ARHGEF33: variants seen among roughly 807,000 people sequenced by gnomAD.
ARHGEF33 encodes Rho guanine nucleotide exchange factor 33.
Under a neutral mutation model 101.9 loss-of-function variants are expected in ARHGEF33, and 72 were observed. The observed-to-expected ratio is 0.71, with a 90% confidence interval of 0.58 to 0.86. The LOEUF (loss-of-function observed/expected upper bound fraction) is 0.86, where lower values mean the gene tolerates loss of function less well. Ranked by LOEUF, ARHGEF33 falls within the 40% of genes least tolerant of loss-of-function variation. The pLI is 0.00. For synonymous variants in ARHGEF33, 499 were observed against 442.5 expected (o/e 1.13, Z -1.60); for missense variants, 1,169 against 1,111.3 (o/e 1.05, Z -0.74).
chr2:38,954,490 T>G (rs1401833951), intron 13 of ARHGEF33, 34 bp downstream of exon 13: 2 of 1,294,490 alleles, frequency 1.5e-6, no homozygotes, highest in Non-Finnish European at 2.2e-6. Context: ...CAAACTGATT[T>G]GCATGCTAAG....
chr2:38,913,002 G>A (rs1205929417), intron 2 of ARHGEF33, among the ~76,000 whole-genome samples: 1 of 151,504 alleles, frequency 6.6e-6, no homozygotes, highest in Non-Finnish European at 1.5e-5. Context: ...TCCTTATATA[G>A]CATATGGGAA....
chr2:38,936,969 T>G (rs547133847), intron 8 of ARHGEF33: 1 of 138,060 alleles, frequency 7.2e-6, no homozygotes, highest in Admixed American at 7.4e-5. Flanking sequence ...AAAGCGAAAC[T>G]CCGTCTCAAA....
chr2:38,902,646 C>T (rs780647047), intron 2 of ARHGEF33, among the ~76,000 whole-genome samples: 1 of 152,064 alleles, frequency 6.6e-6, no homozygotes, highest in African/African-American at 2.4e-5. Flanking sequence ...TTGGTCCTTC[C>T]GAACTATGAG....
rs545902404 is a variant in ARHGEF33, at chr2:38,959,756, C to T, written c.1536-85C>T. ...TGGCATGCACAGGCGCCTCGGAGCG[C>T]GGCCCCGAGGGGCGCCGGCAGGCGA... is the stretch of plus-strand genomic sequence containing the variant. On this transcript the variant is annotated intron_variant, in intron 15 of 17. Coordinates refer to ENST00000409978, the MANE Select transcript of ARHGEF33 (RefSeq NM_001145451.5). 5.8e-6 allele frequency: 8 copies of T among 1,382,382 alleles called. No homozygotes were observed. In the East Asian group the frequency reaches 1.5e-4, roughly 26 times the overall value. The allele number at this position is 1,382,382 out of a possible 1,614,324, so 85.6% of individuals were successfully genotyped here. A position where few individuals can be genotyped will look rare whatever the true frequency, so the allele number is the denominator to read the frequency against.
intron 2 of ARHGEF33, among the ~76,000 whole-genome samples, chr2:38,911,762 G>A (rs1173106004): frequency 6.6e-6 from 1 of 152,140 alleles, no homozygotes; most frequent in African/African-American, 2.4e-5. Flanking sequence ...TGTAATTCCA[G>A]CACTTTGAGA....
chr2:38,894,892 A>C (rs1666086099), intron 1 of ARHGEF33, among the ~76,000 whole-genome samples: 1 of 152,174 alleles, frequency 6.6e-6, no homozygotes, highest in African/African-American at 2.4e-5. Flanking sequence ...CAGGCCTTAC[A>C]TGGCCTCTTA....
intron 10 of ARHGEF33, among the ~76,000 whole-genome samples, chr2:38,944,547 C>CAT (rs1163644292): frequency 3.3e-5 from 5 of 152,104 alleles, no homozygotes; most frequent in African/African-American, 1.2e-4. Context: ...ACATTTAGAT[C>CAT]ATAGCAATAG....
At chr2:38,963,003 G>A (rs1211804566) in intron 16 of ARHGEF33, among the ~76,000 whole-genome samples, 2 of 134,952 alleles carry the variant, frequency 1.5e-5, no homozygotes, top group African/African-American at 2.8e-5. Flanking sequence ...CAGCCTGGGA[G>A]AAAGTGTGAG....
chr2:38,895,486 G>A (rs1369720223), intron 1 of ARHGEF33, among the ~76,000 whole-genome samples: 1 of 152,086 alleles, frequency 6.6e-6, no homozygotes, highest in Admixed American at 6.5e-5. Flanking sequence ...TGGAGTTCTC[G>A]AGCTATGTTT....
chr2:38,910,463 C>T (rs1666485040), intron 2 of ARHGEF33, among the ~76,000 whole-genome samples: 1 of 152,186 alleles, frequency 6.6e-6, no homozygotes, highest in African/African-American at 2.4e-5. Flanking sequence ...GTCCCAGCTA[C>T]TCGGGAGGCT....
At chr2:38,968,238 C>T (rs1382677723) in intron 17 of ARHGEF33, among the ~76,000 whole-genome samples, 2 of 152,020 alleles carry the variant, frequency 1.3e-5, no homozygotes, top group Non-Finnish European at 2.9e-5. Context: ...GAGCTGGCTG[C>T]GTCATGAAGG....
At chr2:38,921,684 C>T (rs576111221) in intron 4 of ARHGEF33, among the ~76,000 whole-genome samples, 1 of 152,228 alleles carries the variant, frequency 6.6e-6, no homozygotes, top group East Asian at 1.9e-4. Flanking sequence ...GCTCAGCTTC[C>T]TGAGTAGCTG....
Position 38,960,262 on chromosome 2 carries a change from G to T in ARHGEF33, c.1957G>T (p.Asp653Tyr). The change falls in exon 16 of 18, where the codon GAC (aspartate) becomes TAC (tyrosine). Residue 653 changes from aspartate (D) to tyrosine (Y), a missense_variant. Transcript: ENST00000409978. ...GCCTGCCTCCTCCGAGTCCAGCCTG[G>T]ACATCTGCTTCCTGCGGCCCGTCAG... ...CSPASSESSL[D>Y]ICFLRPVSFA... is the part of the protein sequence containing the mutation. The T allele has an allele frequency of 2.6e-6, 4 of 1,548,050 alleles. No individual in the cohort carries two copies. Among genetic ancestry groups the T allele is most frequent in the Non-Finnish European group, 2.6e-6 (3 of 1,146,256 alleles).
rs1292899086 is a variant in ARHGEF33, at chr2:38,959,978, T to G, written c.1673T>G (p.Phe558Cys). The change falls in exon 16 of 18, where the codon TTC becomes TGC. Residue 558 changes from phenylalanine (F) to cysteine (C), a missense_variant. By Grantham distance (205) the Phe-to-Cys change is radical. Transcript: ENST00000409978. ...RPESLLAPTQ[F>C]CAAEQDVKAL... The stretch of plus-strand genomic sequence containing the variant: ...GAGAGCCTTCTGGCACCGACGCAGT[T>G]CTGCGCGGCCGAGCAGGACGTGAAG... The G allele has an allele frequency of 6.4e-7, 1 of 1,550,928 alleles. No homozygotes were observed. The highest frequency in any genetic ancestry group is 2.4e-5 in the East Asian group (1 of 40,850).
intron 9 of ARHGEF33, 134 bp from the exon 10 acceptor site, chr2:38,943,767 C>T: frequency 2.1e-6 from 2 of 947,568 alleles, no homozygotes; most frequent in East Asian, 2.7e-5. Flanking sequence ...ATTCTGCTTT[C>T]TACCTTTCAA....
At chr2:38,959,448 A>T in intron 15 of ARHGEF33, 1 of 169,022 alleles carries the variant, frequency 5.9e-6, no homozygotes. Flanking sequence ...GAGTGTGAAG[A>T]TCCACAAGTC....
chr2:38,930,751 T>A (rs1460089751), intron 6 of ARHGEF33, among the ~76,000 whole-genome samples: 1 of 152,228 alleles, frequency 6.6e-6, no homozygotes, highest in East Asian at 1.9e-4. Context: ...TGCTGCTTCC[T>A]GATACTTTTG....
chr2:38,919,469 C>A lies in ARHGEF33; in HGVS notation c.22C>A (p.Gln8Lys). 6.4e-7 allele frequency: 1 copy of A among 1,551,778 alleles called. No homozygotes were observed. The highest frequency in any genetic ancestry group is 8.7e-7 in the Non-Finnish European group (1 of 1,146,900). The change falls in exon 3 of 18, where the codon CAA becomes AAA. Residue 8 changes from glutamine to lysine, a missense_variant. By Grantham distance (53) the Gln-to-Lys change is moderately conservative. Transcript: ENST00000409978. MEKTKTK[Q>K]GENEHMPVNN... ...CACTATGGAAAAAACCAAAACAAAG[C>A]AAGGTCAGATTTTTCCTATGTCTTG...
In ARHGEF33 at chr2:38,940,555, G is replaced by A. The variant is rs545955549; in HGVS notation, c.790+2996G>A. On this transcript the variant is annotated intron_variant, in intron 9 of 17. Transcript: ENST00000409978. ...TTCCCTTTATATTTCTCCTCTGTTC[G>A]ATTCCTGTTTGTTGCTGTTGTTGAT... Among the ~76,000 whole-genome samples the A allele has an allele frequency of 4.6e-5, 7 of 151,764 alleles. No homozygotes were observed. In the East Asian group the frequency reaches 9.7e-4, roughly 21 times the overall value.
Sources: gnomAD v4.1 joint callset for allele counts (sites outside exome capture counted in the v4.1 genomes callset) on GRCh38, gnomAD v4.1.1 for gene constraint, MANE v1.5 for transcripts, NCBI Gene and HGNC (gene_info 2026-07-23, HGNC 2026-07-21) for gene names.